The following SGCZ variants were observed in gnomAD, a reference collection of about 807,000 sequenced individuals.
The protein encoded by SGCZ is zeta-sarcoglycan.
A neutral mutation model predicts 41.3 loss-of-function variants in SGCZ; 40 were observed. The observed-to-expected ratio is 0.97, with a 90% CI of 0.75 to 1.26. The LOEUF (loss-of-function observed/expected upper bound fraction) is 1.26. Among genes scored for constraint, SGCZ ranks in the 50% most tolerant of loss-of-function variants. The pLI, the probability that SGCZ is intolerant of heterozygous loss-of-function variation, is 0.00. For synonymous variants in SGCZ, 206 were observed against 137.5 expected, an observed-to-expected ratio of 1.50 and a Z score of -3.49; for missense variants, 552 against 369.8, an observed-to-expected ratio of 1.49 and a Z score of -4.04.
intron 1 of SGCZ, among the ~76,000 whole-genome samples, chr8:14,572,560 G>A (rs528609864): frequency 6.6e-4 from 100 of 152,234 alleles, no homozygotes; most frequent in African/African-American, 2.2e-3. Flanking sequence ...ACCTTGAGAA[G>A]TTAAGGAATT....
intron 1 of SGCZ, among the ~76,000 whole-genome samples, chr8:14,624,567 T>G (rs200139907): frequency 1.5e-5 from 1 of 65,142 alleles, no homozygotes; most frequent in African/African-American, 3.8e-5. Flanking sequence ...TTTTTTTTTT[T>G]TTTTTTTTTT....
intron 1 of SGCZ, among the ~76,000 whole-genome samples, chr8:14,837,009 A>G (rs1423039220): frequency 6.6e-6 from 1 of 152,140 alleles, no homozygotes; most frequent in Non-Finnish European, 1.5e-5. Context: ...ATTTATAGTT[A>G]TTTTCTTCTT....
At chr8:14,927,924 T>C (rs1005739850) in intron 1 of SGCZ, among the ~76,000 whole-genome samples, 12 of 152,214 alleles carry the variant, frequency 7.9e-5, no homozygotes, top group African/African-American at 2.9e-4. Context: ...AGTACCATAT[T>C]TGATGATTTT....
intron 1 of SGCZ, among the ~76,000 whole-genome samples, chr8:14,808,557 G>C (rs370669423): frequency 6.6e-6 from 1 of 152,080 alleles, no homozygotes; most frequent in Non-Finnish European, 1.5e-5. Context: ...TTAGAATGGC[G>C]ATCATTAAAA....
At chr8:14,709,433 G>C (rs574072552) in intron 1 of SGCZ, among the ~76,000 whole-genome samples, 3 of 152,206 alleles carry the variant, frequency 2.0e-5, no homozygotes, top group African/African-American at 7.2e-5. Flanking sequence ...TTTACTGAAA[G>C]CTCAATTACT....
At chr8:14,377,072 G>T (rs1028026001) in intron 2 of SGCZ, among the ~76,000 whole-genome samples, 1 of 152,008 alleles carries the variant, frequency 6.6e-6, no homozygotes, top group African/African-American at 2.4e-5. Flanking sequence ...ACTCTTGATG[G>T]GCCCCTATAT....
chr8:14,715,747 T>A (rs961040339), intron 1 of SGCZ, among the ~76,000 whole-genome samples: 1 of 152,118 alleles, frequency 6.6e-6, no homozygotes, highest in African/African-American at 2.4e-5. Flanking sequence ...TAGAGATCTG[T>A]CAGAAGTAAA....
At chr8:14,664,909 C>A (rs1807859473) in intron 1 of SGCZ, among the ~76,000 whole-genome samples, 1 of 152,086 alleles carries the variant, frequency 6.6e-6, no homozygotes, top group South Asian at 2.1e-4. Context: ...GCTTTGAGAC[C>A]AGGTCACCTC....
intron 1 of SGCZ, among the ~76,000 whole-genome samples, chr8:15,021,419 C>T (rs185749046): frequency 1.2e-4 from 19 of 152,294 alleles, no homozygotes; most frequent in South Asian, 8.3e-4. Flanking sequence ...GCCTCACTTA[C>T]GTGGCTATTA....
intron 1 of SGCZ, among the ~76,000 whole-genome samples, chr8:14,929,068 T>G (rs1451714466): frequency 6.6e-6 from 1 of 152,160 alleles, no homozygotes; most frequent in Non-Finnish European, 1.5e-5. Context: ...CTCGGCTCAC[T>G]GCGACCTCCA....
intron 6 of SGCZ, among the ~76,000 whole-genome samples, chr8:14,104,888 C>A (rs1420368155): frequency 6.6e-6 from 1 of 152,036 alleles, no homozygotes; most frequent in African/African-American, 2.4e-5. Context: ...CACTTGGATT[C>A]TGTAAAATGA....
intron 2 of SGCZ, among the ~76,000 whole-genome samples, chr8:14,332,877 T>C (rs10086477): frequency 0.16 from 24,576 of 150,240 alleles, 2,075 homozygotes; most frequent in Middle Eastern, 0.24. Context: ...TATATAGGTT[T>C]GTATATATTA....
intron 3 of SGCZ, among the ~76,000 whole-genome samples, chr8:14,265,651 T>C (rs1377768384): frequency 1.3e-5 from 2 of 151,814 alleles, no homozygotes; most frequent in African/African-American, 4.8e-5. Context: ...TTAATAAGGA[T>C]GCAAACTGCA....
chr8:14,770,542 C>A (rs1283036253), intron 1 of SGCZ, among the ~76,000 whole-genome samples: 2 of 151,792 alleles, frequency 1.3e-5, no homozygotes. Context: ...TTTATGTTCT[C>A]ACATAAAATA....
chr8:14,642,421 T>G lies in SGCZ; in HGVS notation c.40-87495A>C, dbSNP rs146076324. On this transcript the variant is annotated intron_variant, in intron 1 of 7. Coordinates refer to ENST00000382080, the MANE Select transcript of SGCZ (RefSeq NM_139167.4). ...ACAAATCTCTTTCCTTATTGATGAT[T>G]TGAAAGATTCTCTTCAAGTCAAGTG... 3.7e-3 allele frequency among the ~76,000 whole-genome samples: 559 copies of G among 151,698 alleles called. 1 individual carries two copies. The highest frequency in any genetic ancestry group is 0.012 in the African/African-American group (479 of 41,494).
At chr8:14,798,003 A>C (rs1393409515) in intron 1 of SGCZ, among the ~76,000 whole-genome samples, 1 of 152,216 alleles carries the variant, frequency 6.6e-6, no homozygotes, top group African/African-American at 2.4e-5. Flanking sequence ...TCTAAGCAGA[A>C]GTTTGCTGCA....
At chr8:15,126,769 G>A (rs1228508964) in intron 1 of SGCZ, among the ~76,000 whole-genome samples, 1 of 152,066 alleles carries the variant, frequency 6.6e-6, no homozygotes, top group Non-Finnish European at 1.5e-5. Flanking sequence ...AACTGCCTGT[G>A]GCTAAGGATG....
At chr8:14,426,397 C>T (rs927198618) in intron 2 of SGCZ, among the ~76,000 whole-genome samples, 2 of 151,896 alleles carry the variant, frequency 1.3e-5, no homozygotes, top group African/African-American at 2.4e-5. Context: ...AAGGTAGTTA[C>T]TGATCTTCAT....
At chr8:15,118,281 T>C (rs1450221936) in intron 1 of SGCZ, among the ~76,000 whole-genome samples, 2 of 152,210 alleles carry the variant, frequency 1.3e-5, no homozygotes, top group African/African-American at 4.8e-5. Context: ...TTTGAGGAAA[T>C]GTCTTTAAGA....
Sources: gnomAD v4.1 joint callset for allele counts (sites outside exome capture counted in the v4.1 genomes callset) on GRCh38, gnomAD v4.1.1 for gene constraint, MANE v1.5 for transcripts, NCBI Gene and HGNC (gene_info 2026-07-23, HGNC 2026-07-21) for gene names.